NFE2L1: variants seen among roughly 807,000 people sequenced by gnomAD.
NFE2L1 encodes the protein NFE2 like bZIP transcription factor 1.
Under a neutral mutation model 61.6 loss-of-function variants are expected in NFE2L1, and 18 were observed. The observed-to-expected ratio is 0.29, with a 90% CI of 0.20 to 0.43. The LOEUF (loss-of-function observed/expected upper bound fraction) is 0.43. NFE2L1 is among the 20% of genes least tolerant of loss of function. NFE2L1 has a pLI of 1.00. For missense variants in NFE2L1, 827 were observed against 973.5 expected (o/e 0.85, Z 2.00); for synonymous variants, 419 against 402.7 (o/e 1.04, Z -0.48).
rs1341257754 is a variant in NFE2L1, at chr17:48,056,545, C to G, written c.670C>G (p.Leu224Val). 1 of 1,614,050 alleles carries G rather than the reference C, an allele frequency of 6.2e-7. No individual in the cohort carries two copies. The highest frequency in any genetic ancestry group is 8.5e-7 in the Non-Finnish European group (1 of 1,180,004). The change falls in exon 3 of 6, where the codon CTG becomes GTG. Residue 224 changes from leucine (L) to valine (V), a missense_variant. Physicochemically the swap from Leu to Val is conservative, Grantham distance 32. This residue lies in a region of NFE2L1 where 667 missense variants were observed against 748.4 expected (regional missense o/e 0.89). Coordinates refer to ENST00000362042, the MANE Select transcript of NFE2L1 (RefSeq NM_003204.3). ...CTGGGCAGGCGAGGGCGCGGAAGCTCTGGCACGGAACCTGCTAGTGGATGG... is the reference window on the plus strand; with the variant it reads ...CTGGGCAGGCGAGGGCGCGGAAGCTGTGGCACGGAACCTGCTAGTGGATGG... ...DTWAGEGAEA[L>V]ARNLLVDGET... is the part of the protein sequence containing the mutation.
Position 48,058,756 on chromosome 17 carries a change from C to T in NFE2L1, c.1434C>T (p.Gly478=). ...QLEEEFDSDS[G]LSLDSSHSPS... ...AGGAGGAATTTGACTCTGACTCAGG[C>T]CTTTCCTTAGACTCGAGCCATAGCC... is the stretch of plus-strand genomic sequence containing the variant. The change falls in exon 6 of 6, where the codon GGC becomes GGT. Residue 478 remains glycine (G), a synonymous_variant. Transcript: ENST00000362042. 6.2e-7 allele frequency: 1 copy of T among 1,614,212 alleles called. No homozygotes were observed.
At chr17:48,055,019 A>G in intron 2 of NFE2L1, 1 of 1,516,314 alleles carries the variant, frequency 6.6e-7, no homozygotes, top group Non-Finnish European at 8.8e-7. Flanking sequence ...CTCGCAGACC[A>G]TGACCCGCCT....
At chr17:48,053,032 T>C (rs2037293664) in intron 2 of NFE2L1, among the ~76,000 whole-genome samples, 1 of 152,172 alleles carries the variant, frequency 6.6e-6, no homozygotes, top group Non-Finnish European at 1.5e-5. Flanking sequence ...TCTCTTCTGC[T>C]TCCCCTTTCC....
chr17:48,048,584 G>C (rs1228415741), intron 1 of NFE2L1, 122 bp downstream of exon 1: 2 of 152,774 alleles, frequency 1.3e-5, no homozygotes, highest in Non-Finnish European at 2.9e-5. Context: ...GTTCCCGCCA[G>C]AGCCCGGCCC....
chr17:48,048,754 G>A (rs12602010), intron 1 of NFE2L1: 33,378 of 151,232 alleles, frequency 0.22, 4,023 homozygotes, highest in South Asian at 0.32. Context: ...GGGGTTTGCT[G>A]TAAGGGTGGG....
At position 48,058,954 on chromosome 17, in the gene NFE2L1, C is replaced by T; in HGVS notation, c.1632C>T (p.Tyr544=). The change falls in exon 6 of 6, where the codon TAC becomes TAT. Residue 544 remains tyrosine (Y), a synonymous_variant. Coordinates refer to ENST00000362042, the MANE Select transcript of NFE2L1 (RefSeq NM_003204.3). ...AAGAGGCCGAGGGTGCTGTGGGCTA[C>T]CAGCCTGAGTATTCCAAGTTCTGCC... ...DLEEAEGAVG[Y]QPEYSKFCRM... The T allele has an allele frequency of 6.2e-7, 1 of 1,614,018 alleles. No homozygotes were observed.
In NFE2L1 at chr17:48,058,672, C is replaced by G. The variant is rs983404143; in HGVS notation, c.1350C>G (p.Ile450Met). 1.9e-6 allele frequency: 3 copies of G among 1,614,100 alleles called. No homozygotes were observed. In the African/African-American group the frequency reaches 4.0e-5, roughly 22 times the overall value. The part of the protein sequence containing the change: ...GLLDEAMLDE[I>M]SLMDLAIEEG... ...TAGATGAAGCTATGTTGGATGAGAT[C>G]AGCCTTATGGACCTGGCCATTGAAG... The change falls in exon 6 of 6, where the codon ATC (isoleucine) becomes ATG (methionine). Residue 450 changes from isoleucine to methionine, a missense_variant. Coordinates refer to ENST00000362042, the MANE Select transcript of NFE2L1 (RefSeq NM_003204.3).
chr17:48,058,615 C>T lies in NFE2L1; in HGVS notation c.1293C>T (p.Gly431=). The T allele has an allele frequency of 1.2e-6, 2 of 1,614,036 alleles. No individual in the cohort carries two copies. Among genetic ancestry groups the T allele is most frequent in the Non-Finnish European group, 1.7e-6 (2 of 1,179,934 alleles). The change falls in exon 6 of 6, where the codon GGC becomes GGT. Residue 431 remains glycine, a synonymous_variant. Coordinates refer to ENST00000362042, the MANE Select transcript of NFE2L1 (RefSeq NM_003204.3). The part of the protein sequence containing the change: ...QLNGTANDTA[G]PELPDPLGGL... ...ATGGCACAGCCAATGACACAGCAGGCCCAGAGCTGCCTGACCCTTTGGGGG... is the reference window on the plus strand; with the variant it reads ...ATGGCACAGCCAATGACACAGCAGGTCCAGAGCTGCCTGACCCTTTGGGGG...
Position 48,059,640 on chromosome 17 carries a change from G to T in NFE2L1, c.2318G>T (p.Ter773LeuextTer31). ...QERKPKDRRK[*>L] Reference sequence around the variant, plus strand: ...AGGAAGCCAAAGGACCGGAGAAAGTGAGCCTGGGGAAGAAGGGGGTTTGAA... The same window carrying T: ...AGGAAGCCAAAGGACCGGAGAAAGTTAGCCTGGGGAAGAAGGGGGTTTGAA... Residue 773 changes from the stop codon to leucine, a stop_lost, in exon 6 of 6, where the codon TGA becomes TTA. Transcript: ENST00000362042. This position sits in a 1 kb window ranked among gnomAD's most constrained non-coding sequence, Gnocchi z 6.1. 1 of 1,542,194 alleles carries T rather than the reference G, an allele frequency of 6.5e-7. No individual in the cohort carries two copies.
intron 5 of NFE2L1, 47 bp downstream of exon 5, chr17:48,057,549 T>C (rs1276277387): frequency 1.9e-6 from 3 of 1,581,380 alleles, no homozygotes; most frequent in Non-Finnish European, 2.6e-6. Flanking sequence ...TTTGCACAGA[T>C]TGTCTTAGCA....
At chr17:48,056,730 G>A in intron 3 of NFE2L1, 132 bp downstream of exon 3, 1 of 1,181,106 alleles carries the variant, frequency 8.5e-7, no homozygotes, top group Non-Finnish European at 1.2e-6. Flanking sequence ...TTTCTGTTTT[G>A]GGTTGGGGTC....
At chr17:48,052,979 G>A (rs1402222558) in intron 2 of NFE2L1, among the ~76,000 whole-genome samples, 1 of 152,160 alleles carries the variant, frequency 6.6e-6, no homozygotes, top group Non-Finnish European at 1.5e-5. Flanking sequence ...ACCTTTCAGG[G>A]CCTGTTAATT....
chr17:48,051,727 C>T (rs2037257689), intron 2 of NFE2L1, 99 bp downstream of exon 2: 1 of 1,397,886 alleles, frequency 7.2e-7, no homozygotes, highest in African/African-American at 1.4e-5. Flanking sequence ...AAGAGCCAGA[C>T]AGGTTTCAGC....
rs1318280526 is a variant in NFE2L1, at chr17:48,060,702, G to C, written c.*1061G>C. 2 of 152,624 alleles carry C rather than the reference G, an allele frequency of 1.3e-5. No individual in the cohort carries two copies. The highest frequency in any genetic ancestry group is 2.9e-5 in the Non-Finnish European group (2 of 68,078). The allele number at this position is 152,624 out of a possible 1,614,324, so 9.5% of individuals were successfully genotyped here. ...CCAGGCAGGATTCAGCACAACACTGGGGAGTCACCCTTCCCTCGGGCCTCT... is the reference window on the plus strand; with the variant it reads ...CCAGGCAGGATTCAGCACAACACTGCGGAGTCACCCTTCCCTCGGGCCTCT... On this transcript the variant is annotated 3_prime_UTR_variant, in exon 6 of 6. Coordinates refer to ENST00000362042, the MANE Select transcript of NFE2L1 (RefSeq NM_003204.3).
Position 48,051,407 on chromosome 17 carries a change from A to G in NFE2L1, c.289A>G (p.Thr97Ala), listed in dbSNP as rs770958663. The G allele has an allele frequency of 5.0e-6, 8 of 1,613,978 alleles. No individual in the cohort carries two copies. Among genetic ancestry groups the G allele is most frequent in the Middle Eastern group, 1.6e-4 (1 of 6,084 alleles). The change falls in exon 2 of 6, where the codon ACC (threonine) becomes GCC (alanine). Residue 97 changes from threonine (T) to alanine (A), a missense_variant. Coordinates refer to ENST00000362042, the MANE Select transcript of NFE2L1 (RefSeq NM_003204.3). ...GGCCCTGGACAGGTTCCAGGTGCCA[A>G]CCACTGAGGTAAATGCCTGGCTGGT... ...VRALDRFQVP[T>A]TEVNAWLVHR...
intron 1 of NFE2L1, among the ~76,000 whole-genome samples, chr17:48,049,617 T>TC (rs576568385): frequency 1.2e-3 from 184 of 152,376 alleles, no homozygotes; most frequent in Admixed American, 2.2e-3. Flanking sequence ...GGTCTCAAAC[T>TC]CCCGACCTCG....
In NFE2L1 at chr17:48,058,940, G is replaced by A. The variant is rs995949555; in HGVS notation, c.1618G>A (p.Gly540Ser). The change falls in exon 6 of 6, where the codon GGT becomes AGT. Residue 540 changes from glycine to serine, a missense_variant. This residue lies in a region of NFE2L1 where 667 missense variants were observed against 748.4 expected (regional missense o/e 0.89). Transcript: ENST00000362042. ...GACCCTGGATCTGGAAGAGGCCGAG[G>A]GTGCTGTGGGCTACCAGCCTGAGTA... ...SETLDLEEAE[G>S]AVGYQPEYSK... is the part of the protein sequence containing the mutation. 3 of 1,613,996 alleles carry A rather than the reference G, an allele frequency of 1.9e-6. No individual in the cohort carries two copies. The highest frequency in any genetic ancestry group is 2.5e-6 in the Non-Finnish European group (3 of 1,180,030).
rs770299693 is a variant in NFE2L1, at chr17:48,051,145, G to A, written c.27G>A (p.Thr9=). 1.2e-6 allele frequency: 2 copies of A among 1,614,132 alleles called. No individual in the cohort carries two copies. The highest frequency in any genetic ancestry group is 1.1e-5 in the South Asian group (1 of 91,064). The part of the protein sequence containing the change: MLSLKKYL[T]EGLLQFTILL... ...TGCTTTCTCTGAAGAAATACTTAAC[G>A]GAAGGACTTCTCCAGTTCACCATTC... Residue 9 remains threonine, a synonymous_variant, in exon 2 of 6, where the codon ACG becomes ACA. Transcript: ENST00000362042.
At position 48,050,771 on chromosome 17, in the gene NFE2L1, G is replaced by A; in HGVS notation, c.-348G>A. 2 of 533,894 alleles carry A rather than the reference G, an allele frequency of 3.7e-6. No individual in the cohort carries two copies. The highest frequency in any genetic ancestry group is 6.6e-6 in the Non-Finnish European group (2 of 302,308). The allele number at this position is 533,894 out of a possible 1,614,324, so 33.1% of individuals were successfully genotyped here. A position where few individuals can be genotyped will look rare whatever the true frequency, so the allele number is the denominator to read the frequency against. ...CAGCCTGCATTGGAATCTACAGAGA[G>A]GACAACTAATGTGAGTGAGGAAGTG... On this transcript the variant is annotated 5_prime_UTR_variant, in exon 2 of 6. Transcript: ENST00000362042.
Sources: gnomAD v4.1 joint callset for allele counts (sites outside exome capture counted in the v4.1 genomes callset) on GRCh38, gnomAD v4.1.1 for gene constraint, gnomAD v4.1.1 regional missense constraint, Gnocchi (gnomAD v3.1) non-coding constraint, MANE v1.5 for transcripts, NCBI Gene and HGNC (gene_info 2026-07-23, HGNC 2026-07-21) for gene names.